FAT3: variants seen among roughly 807,000 people sequenced by gnomAD.
FAT3 encodes protocadherin Fat 3.
FAT3 carries 95 observed loss-of-function variants against 310.2 expected under a neutral mutation model. That is an observed-to-expected ratio of 0.31 (90% CI 0.26 to 0.36). The LOEUF is 0.36. Ranked by LOEUF, FAT3 falls within the 10% of genes least tolerant of loss-of-function variation. The pLI is 1.00. For missense variants in FAT3, 5,408 were observed against 5,715.6 expected, an observed-to-expected ratio of 0.95 and a Z score of 1.74; for synonymous variants, 2,314 against 2,192.9, an observed-to-expected ratio of 1.06 and a Z score of -1.54.
At chr11:92,677,302 A>G (rs1169701371) in intron 3 of FAT3, among the ~76,000 whole-genome samples, 1 of 152,246 alleles carries the variant, frequency 6.6e-6, no homozygotes, top group Non-Finnish European at 1.5e-5. Context: ...GGAAGAATAC[A>G]CCTGGGTAAA....
chr11:92,559,341 T>C (rs1476293430), intron 3 of FAT3: 1 of 203,930 alleles, frequency 4.9e-6, no homozygotes, highest in African/African-American at 2.4e-5. Context: ...TACTTTCTCT[T>C]TATATATATT....
chr11:92,506,010 T>C, intron 2 of FAT3, among the ~76,000 whole-genome samples: 1 of 152,034 alleles, frequency 6.6e-6, no homozygotes, highest in East Asian at 1.9e-4. Context: ...TGACATCTAC[T>C]CCTCAGAAAG....
At chr11:92,489,849 C>T (rs1054105500) in intron 2 of FAT3, among the ~76,000 whole-genome samples, 10 of 151,254 alleles carry the variant, frequency 6.6e-5, no homozygotes, top group African/African-American at 2.2e-4. Context: ...TTCTTGATTC[C>T]AAAAAGTTAA....
At chr11:92,428,626 C>A (rs1200561524) in intron 2 of FAT3, among the ~76,000 whole-genome samples, 1 of 152,048 alleles carries the variant, frequency 6.6e-6, no homozygotes, top group African/African-American at 2.4e-5. Context: ...ATTTCTACCT[C>A]AATTTCATTA....
intron 2 of FAT3, among the ~76,000 whole-genome samples, chr11:92,462,932 A>AT (rs34315664): frequency 5.9e-5 from 9 of 152,290 alleles, no homozygotes; most frequent in African/African-American, 1.9e-4. Context: ...GCCCATTGGC[A>AT]TTTTTTAAGT....
intron 22 of FAT3, among the ~76,000 whole-genome samples, chr11:92,870,779 C>T (rs1949365913): frequency 1.3e-5 from 2 of 152,184 alleles, no homozygotes; most frequent in Admixed American, 1.3e-4. Flanking sequence ...GAGATGGAAA[C>T]TTGGGGAGAT....
intron 2 of FAT3, among the ~76,000 whole-genome samples, chr11:92,378,284 G>A (rs1486061086): frequency 6.6e-6 from 1 of 152,130 alleles, no homozygotes; most frequent in African/African-American, 2.4e-5. Flanking sequence ...CTCTTAAAAT[G>A]TGTTTAATGC....
chr11:92,412,937 A>G (rs954555210), intron 2 of FAT3, among the ~76,000 whole-genome samples: 1 of 151,398 alleles, frequency 6.6e-6, no homozygotes, highest in Non-Finnish European at 1.5e-5. Context: ...ACCTACATTG[A>G]CACATCATAG....
chr11:92,658,922 T>C (rs796678497), intron 3 of FAT3, among the ~76,000 whole-genome samples: 5 of 149,820 alleles, frequency 3.3e-5, no homozygotes, highest in South Asian at 2.1e-4. Flanking sequence ...TCATCGTCAT[T>C]ATCATCATCA....
At chr11:92,655,641 C>T (rs1942550403) in intron 3 of FAT3, among the ~76,000 whole-genome samples, 1 of 152,164 alleles carries the variant, frequency 6.6e-6, no homozygotes, top group African/African-American at 2.4e-5. Context: ...ACGCCACAAA[C>T]CTTCCCTGGC....
At chr11:92,637,907 T>C (rs1328065981) in intron 3 of FAT3, among the ~76,000 whole-genome samples, 1 of 152,164 alleles carries the variant, frequency 6.6e-6, no homozygotes, top group Non-Finnish European at 1.5e-5. Flanking sequence ...GGAAATAAAT[T>C]AGAATCTCAG....
intron 1 of FAT3, among the ~76,000 whole-genome samples, chr11:92,288,499 A>G (rs1017574432): frequency 6.6e-6 from 1 of 152,088 alleles, no homozygotes; most frequent in Admixed American, 6.6e-5. Context: ...CCCTTGTTGC[A>G]TCTCCTGTCG....
At chr11:92,705,755 C>A (rs1244846858) in intron 4 of FAT3, among the ~76,000 whole-genome samples, 4 of 3,376 alleles carry the variant, frequency 1.2e-3, no homozygotes, top group Non-Finnish European at 2.2e-3. Context: ...GGTGATGGTG[C>A]TGTGATGGTG....
chr11:92,329,640 A>G (rs747687613), intron 1 of FAT3, among the ~76,000 whole-genome samples: 5 of 150,916 alleles, frequency 3.3e-5, no homozygotes, highest in African/African-American at 4.9e-5. Context: ...GTGAAGACAC[A>G]CTACTGTGAA....
At chr11:92,367,514 G>A (rs1949058549) in intron 2 of FAT3, among the ~76,000 whole-genome samples, 1 of 152,160 alleles carries the variant, frequency 6.6e-6, no homozygotes, top group Non-Finnish European at 1.5e-5. Context: ...GTCCCAGCTA[G>A]TGGGGCAGGG....
intron 3 of FAT3, among the ~76,000 whole-genome samples, chr11:92,585,999 A>G (rs911375707): frequency 2.0e-5 from 3 of 151,896 alleles, no homozygotes; most frequent in African/African-American, 7.2e-5. Context: ...GAGCTGGAGG[A>G]AGGAAGCTAC....
intron 3 of FAT3, among the ~76,000 whole-genome samples, chr11:92,598,362 A>C (rs1939832728): frequency 1.3e-5 from 2 of 151,756 alleles, no homozygotes; most frequent in African/African-American, 2.4e-5. Context: ...ATTAGCTGGG[A>C]CTATAGGTGC....
chr11:92,387,065 TGTGTGTGTGTGTG>T (rs1193862291), intron 2 of FAT3, among the ~76,000 whole-genome samples: 2 of 6,566 alleles, frequency 3.0e-4, no homozygotes, highest in African/African-American at 9.6e-4. Flanking sequence ...TGGGAGCTAG[TGTGTGTGTGTGTG>T]TGTGTGTGTG....
At chr11:92,853,758 G>C (rs1948895268) in intron 19 of FAT3, among the ~76,000 whole-genome samples, 1 of 152,194 alleles carries the variant, frequency 6.6e-6, no homozygotes, top group Non-Finnish European at 1.5e-5. Flanking sequence ...CTGGATATCT[G>C]TTTGAGTCTG....
Sources: gnomAD v4.1 joint callset for allele counts (sites outside exome capture counted in the v4.1 genomes callset) on GRCh38, gnomAD v4.1.1 for gene constraint, MANE v1.5 for transcripts, NCBI Gene and HGNC (gene_info 2026-07-23, HGNC 2026-07-21) for gene names.